Variants in IKBKB-DT observed in about 807,000 individuals in gnomAD.
IKBKB-DT encodes the protein IKBKB divergent transcript.
chr8:42,261,325 A>T (rs1390765610), intron 3 of IKBKB-DT, among the ~76,000 whole-genome samples: 1 of 151,612 alleles, frequency 6.6e-6, no homozygotes, highest in Non-Finnish European at 1.5e-5. Flanking sequence ...GACCCTATTC[A>T]CCTCCCCTTC....
intron 3 of IKBKB-DT, among the ~76,000 whole-genome samples, chr8:42,239,918 C>T (rs1277533737): frequency 6.6e-6 from 1 of 151,790 alleles, no homozygotes; most frequent in East Asian, 1.9e-4. Flanking sequence ...GGATTATAGG[C>T]ATGAGCCACC....
chr8:42,236,030 AAAC>A (rs887388338), intron 3 of IKBKB-DT, among the ~76,000 whole-genome samples: 6 of 152,202 alleles, frequency 3.9e-5, no homozygotes, highest in South Asian at 4.1e-4. Flanking sequence ...CCATCTCAAA[AAAC>A]AACAACAACA....
chr8:42,266,430 T>C (rs1445547612), intron 1 of IKBKB-DT: 1 of 152,254 alleles, frequency 6.6e-6, no homozygotes, highest in Non-Finnish European at 1.5e-5. Flanking sequence ...ATTTAATCAG[T>C]GGATGACATA....
At position 42,239,614 on chromosome 8, in the gene IKBKB-DT, TTATA is replaced by T. The variant is rs113469700; in HGVS notation, n.1530-5759_1530-5756del. 2.0e-4 allele frequency among the ~76,000 whole-genome samples: 4 copies of T among 19,910 alleles called. No homozygotes were observed. The East Asian group carries it at 7.9e-3, about 40-fold the overall frequency. 13.1% of individuals were successfully genotyped at this position (19,910 alleles called of 152,430 possible). On this transcript the variant is annotated intron_variant and non_coding_transcript_variant, in intron 3 of 3. Transcript: ENST00000518213. The stretch of plus-strand genomic sequence containing the variant: ...CCAACCAATTTTTGTAAAAGGCAAT[TTATA>T]TATATATATATATATATTTATTTAT...
At chr8:42,268,862 T>C (rs745332724) in intron 1 of IKBKB-DT, among the ~76,000 whole-genome samples, 2 of 151,980 alleles carry the variant, frequency 1.3e-5, no homozygotes, top group Non-Finnish European at 2.9e-5. Flanking sequence ...CCACCTCACC[T>C]GGCCAATAAA....
intron 3 of IKBKB-DT, among the ~76,000 whole-genome samples, chr8:42,259,800 G>A (rs1192633234): frequency 6.6e-6 from 1 of 151,962 alleles, no homozygotes; most frequent in Admixed American, 6.6e-5. Flanking sequence ...TGAACAACAT[G>A]GCAAAACCCT....
intron 3 of IKBKB-DT, among the ~76,000 whole-genome samples, chr8:42,259,042 C>T (rs1167646011): frequency 2.7e-5 from 4 of 150,918 alleles, no homozygotes; most frequent in Non-Finnish European, 5.9e-5. Flanking sequence ...TTCTTTTTTC[C>T]GAGATGGAGT....
intron 3 of IKBKB-DT, among the ~76,000 whole-genome samples, chr8:42,237,403 T>C (rs539742773): frequency 1.3e-5 from 2 of 152,202 alleles, no homozygotes; most frequent in East Asian, 3.9e-4. Flanking sequence ...ATGATCTCTA[T>C]TTTAACATTA....
chr8:42,267,063 C>A (rs1050329445), intron 1 of IKBKB-DT, among the ~76,000 whole-genome samples: 2 of 149,198 alleles, frequency 1.3e-5, no homozygotes, highest in African/African-American at 5.0e-5. Context: ...TACACTGGCG[C>A]GATCTTGGCT....
chr8:42,251,486 C>T (rs184162458), intron 3 of IKBKB-DT, among the ~76,000 whole-genome samples: 1 of 152,238 alleles, frequency 6.6e-6, no homozygotes, highest in Admixed American at 6.5e-5. Flanking sequence ...TGAGCTGGAA[C>T]GTGCCTGTGA....
chr8:42,239,636 T>TATATATAAATATATATATA (rs55662464), intron 3 of IKBKB-DT, among the ~76,000 whole-genome samples: 1 of 28,194 alleles, frequency 3.5e-5, no homozygotes, highest in African/African-American at 1.1e-4. Flanking sequence ...ATATATATAT[T>TATATATAAATATATATATA]TATTTATTTA....
chr8:42,253,931 C>T (rs1186315031), intron 3 of IKBKB-DT, among the ~76,000 whole-genome samples: 11 of 152,250 alleles, frequency 7.2e-5, no homozygotes, highest in Non-Finnish European at 2.9e-5. Flanking sequence ...GAGGAGGTAA[C>T]GTGGAATGCT....
chr8:42,264,207 T>A (rs1258846270), intron 2 of IKBKB-DT, among the ~76,000 whole-genome samples: 1 of 151,394 alleles, frequency 6.6e-6, no homozygotes, highest in Admixed American at 6.6e-5. Context: ...ATTATATTTT[T>A]AAAAATTAAT....
At chr8:42,239,638 A>ATATATATATATATATATATATATATT (rs1806974771) in intron 3 of IKBKB-DT, among the ~76,000 whole-genome samples, 1 of 112,916 alleles carries the variant, frequency 8.9e-6, no homozygotes, top group African/African-American at 3.1e-5. Context: ...ATATATATTT[A>ATATATATATATATATATATATATATT]TTTATTTATT....
chr8:42,241,827 G>T (rs1807007723), intron 3 of IKBKB-DT, among the ~76,000 whole-genome samples: 1 of 152,182 alleles, frequency 6.6e-6, no homozygotes, highest in South Asian at 2.1e-4. Flanking sequence ...AGAATGGGTA[G>T]AACTGGTTAG....
chr8:42,233,823 G>C (rs894483986), exon 4 of IKBKB-DT: 1 of 152,152 alleles, frequency 6.6e-6, no homozygotes, highest in Non-Finnish European at 1.5e-5. Flanking sequence ...GGGAGTCGGA[G>C]CTGTCTTCTT....
intron 3 of IKBKB-DT, among the ~76,000 whole-genome samples, chr8:42,245,649 TC>T (rs1807053754): frequency 6.6e-6 from 1 of 152,136 alleles, no homozygotes; most frequent in African/African-American, 2.4e-5. Flanking sequence ...CGTTCTGTAA[TC>T]ATTATAGAAT....
At chr8:42,266,937 G>A (rs1807378686) in intron 1 of IKBKB-DT, among the ~76,000 whole-genome samples, 1 of 152,074 alleles carries the variant, frequency 6.6e-6, no homozygotes, top group Non-Finnish European at 1.5e-5. Flanking sequence ...GCCCTCGGGG[G>A]CTGCTCTGTC....
At chr8:42,240,380 T>C (rs1289642120) in intron 3 of IKBKB-DT, among the ~76,000 whole-genome samples, 1 of 152,086 alleles carries the variant, frequency 6.6e-6, no homozygotes, top group African/African-American at 2.4e-5. Context: ...ATCCCAGCAC[T>C]TTGGGAGGCC....
Sources: gnomAD v4.1 joint callset for allele counts (sites outside exome capture counted in the v4.1 genomes callset) on GRCh38, gnomAD v4.1.1 for gene constraint, MANE v1.5 for transcripts, NCBI Gene and HGNC (gene_info 2026-07-23, HGNC 2026-07-21) for gene names.